PDE4D: variants seen among roughly 807,000 people sequenced by gnomAD.
The protein encoded by PDE4D is 3',5'-cyclic-AMP phosphodiesterase 4D.
In PDE4D, 24 loss-of-function variants were observed where a neutral mutation model predicts 87.4. The observed-to-expected ratio is 0.27, with a 90% CI of 0.20 to 0.39. The LOEUF (loss-of-function observed/expected upper bound fraction) is 0.39. PDE4D is among the 10% of genes least tolerant of loss of function. The pLI, the probability that PDE4D is intolerant of heterozygous loss-of-function variation, is 1.00. For missense variants in PDE4D, 714 were observed against 1,041.0 expected, an observed-to-expected ratio of 0.69 and a Z score of 4.32; for synonymous variants, 384 against 383.2, an observed-to-expected ratio of 1.00 and a Z score of -0.02.
chr5:60,087,189 C>G (rs1457884687), intron 2 of PDE4D, among the ~76,000 whole-genome samples: 1 of 152,174 alleles, frequency 6.6e-6, no homozygotes, highest in Non-Finnish European at 1.5e-5. Context: ...TGTACCAGTG[C>G]ACACTATAAG....
At chr5:60,386,001 A>C (rs1353676680) in intron 1 of PDE4D, among the ~76,000 whole-genome samples, 1 of 152,106 alleles carries the variant, frequency 6.6e-6, no homozygotes, top group East Asian at 1.9e-4. Flanking sequence ...TGAATTCCCA[A>C]CAAGAAAGGA....
chr5:59,051,356 T>C (rs547923535), intron 5 of PDE4D, among the ~76,000 whole-genome samples: 14 of 152,136 alleles, frequency 9.2e-5, no homozygotes, highest in Non-Finnish European at 1.9e-4. Context: ...TGAGACTCTG[T>C]CTCAAAAACA....
Position 60,017,230 on chromosome 5 carries a change from C to T in PDE4D, c.43-28513G>A, listed in dbSNP as rs143552605. ...GTATATCATGCTGCAGACAGAAATA[C>T]GGTAATACAGGCTTTGTTGTTCCAT... On this transcript the variant is annotated intron_variant, in intron 2 of 16. Transcript: ENST00000502484. Among the ~76,000 whole-genome samples the T allele has an allele frequency of 2.9e-3, 444 of 152,212 alleles. 3 individuals are homozygous for T. The highest frequency in any genetic ancestry group is 9.0e-3 in the African/African-American group (372 of 41,546).
intron 1 of PDE4D, among the ~76,000 whole-genome samples, chr5:60,471,624 C>T (rs1421501249): frequency 6.6e-6 from 1 of 152,178 alleles, no homozygotes; most frequent in East Asian, 1.9e-4. Flanking sequence ...CATTCAGCAG[C>T]CATCAATGTC....
chr5:60,099,795 G>A (rs1019335312), intron 2 of PDE4D, among the ~76,000 whole-genome samples: 6 of 151,958 alleles, frequency 3.9e-5, no homozygotes, highest in Non-Finnish European at 8.8e-5. Context: ...ATAAAATGGT[G>A]TAACTACTAT....
intron 1 of PDE4D, among the ~76,000 whole-genome samples, chr5:59,578,694 C>T (rs1283764900): frequency 6.6e-6 from 1 of 152,020 alleles, no homozygotes; most frequent in Non-Finnish European, 1.5e-5. Context: ...ATCTTGAATT[C>T]CATTTAATAC....
chr5:59,311,077 C>T (rs528229152), intron 1 of PDE4D, among the ~76,000 whole-genome samples: 1 of 152,222 alleles, frequency 6.6e-6, no homozygotes, highest in South Asian at 2.1e-4. Context: ...AGGTGCAGGA[C>T]AGATTACCAT....
chr5:59,937,986 T>G (rs556015840), intron 3 of PDE4D, among the ~76,000 whole-genome samples: 1 of 152,346 alleles, frequency 6.6e-6, no homozygotes, highest in South Asian at 2.1e-4. Flanking sequence ...ATTTCTTGTT[T>G]AACAACGTGC....
intron 1 of PDE4D, among the ~76,000 whole-genome samples, chr5:59,516,561 A>G (rs908394578): frequency 3.9e-5 from 6 of 152,224 alleles, no homozygotes; most frequent in Admixed American, 3.3e-4. Context: ...AAAAACTGCT[A>G]CTAAAGTATT....
chr5:60,338,525 C>T (rs913176536), intron 1 of PDE4D, among the ~76,000 whole-genome samples: 2 of 152,118 alleles, frequency 1.3e-5, no homozygotes, highest in East Asian at 1.9e-4. Flanking sequence ...ATGAGCAGTG[C>T]CAGGGGCTGC....
intron 5 of PDE4D, among the ~76,000 whole-genome samples, chr5:59,075,510 C>T (rs16889161): frequency 6.7e-6 from 1 of 149,506 alleles, no homozygotes; most frequent in Admixed American, 6.7e-5. Context: ...CAAAAAAAAA[C>T]CTCATTCTGG....
chr5:59,495,296 T>C (rs886975744), intron 1 of PDE4D, among the ~76,000 whole-genome samples: 1 of 152,042 alleles, frequency 6.6e-6, no homozygotes, highest in Non-Finnish European at 1.5e-5. Flanking sequence ...TTCAACAAGG[T>C]TTTTTCTTTG....
At chr5:59,056,902 A>T (rs145854491) in intron 5 of PDE4D, among the ~76,000 whole-genome samples, 2 of 152,292 alleles carry the variant, frequency 1.3e-5, no homozygotes, top group African/African-American at 4.8e-5. Context: ...TAAGGGAGTG[A>T]AGAGAACCCA....
At chr5:59,538,758 G>C (rs1341523076) in intron 1 of PDE4D, among the ~76,000 whole-genome samples, 1 of 152,118 alleles carries the variant, frequency 6.6e-6, no homozygotes, top group African/African-American at 2.4e-5. Context: ...AGCAAGGCCT[G>C]TTATTTTCTC....
chr5:59,880,982 C>T (rs917734468), intron 1 of PDE4D, among the ~76,000 whole-genome samples: 1 of 151,832 alleles, frequency 6.6e-6, no homozygotes, highest in African/African-American at 2.4e-5. Flanking sequence ...TCTTACTACC[C>T]CCAAAATAAA....
At chr5:59,054,587 C>T (rs1448328192) in intron 5 of PDE4D, among the ~76,000 whole-genome samples, 4 of 150,582 alleles carry the variant, frequency 2.7e-5, no homozygotes, top group Non-Finnish European at 4.4e-5. Context: ...TAAATTAAAC[C>T]AATAAAAAGA....
At chr5:59,470,255 C>A (rs576678585) in intron 1 of PDE4D, among the ~76,000 whole-genome samples, 4 of 151,986 alleles carry the variant, frequency 2.6e-5, no homozygotes, top group Admixed American at 6.6e-5. Context: ...GTGCATTTCT[C>A]TTCCCTATTT....
At chr5:59,647,400 T>C (rs1742646451) in intron 1 of PDE4D, among the ~76,000 whole-genome samples, 1 of 151,952 alleles carries the variant, frequency 6.6e-6, no homozygotes. Flanking sequence ...TATCTTTCTC[T>C]ATATATTATT....
intron 1 of PDE4D, among the ~76,000 whole-genome samples, chr5:60,228,890 C>A (rs1278956757): frequency 6.6e-6 from 1 of 151,964 alleles, no homozygotes. Flanking sequence ...TGACTGCCAG[C>A]CACAAAACTA....
Sources: allele counts gnomAD v4.1 joint callset (sites outside exome capture counted in the v4.1 genomes callset), GRCh38; gene constraint gnomAD v4.1.1; transcripts MANE v1.5; gene names NCBI Gene and HGNC (gene_info 2026-07-23, HGNC 2026-07-21).